The following DCAF8 variants were observed in gnomAD, a reference collection of about 807,000 sequenced individuals.
DCAF8 encodes DDB1 and CUL4 associated factor 8, also known as DDB1- and CUL4-associated factor 8.
In DCAF8, 20 loss-of-function variants were observed where a neutral mutation model predicts 68.0. That is an observed-to-expected ratio of 0.29 (90% confidence interval 0.21 to 0.43). The LOEUF (loss-of-function observed/expected upper bound fraction) is 0.43, where lower values mean the gene tolerates loss of function less well. Among genes scored for constraint, DCAF8 ranks in the 20% least tolerant of loss-of-function variants. DCAF8 has a pLI of 1.00. For synonymous variants in DCAF8, 230 were observed against 276.9 expected (o/e 0.83, Z 1.68); for missense variants, 460 against 771.0 (o/e 0.60, Z 4.78).
intron 2 of DCAF8, among the ~76,000 whole-genome samples, chr1:160,260,541 A>T (rs888254894): frequency 7.9e-5 from 12 of 152,132 alleles, no homozygotes; most frequent in African/African-American, 2.9e-4. Flanking sequence ...TTTCTGTCAC[A>T]TGCCATGAGC....
chr1:160,243,923 T>C (rs755593199), intron 3 of DCAF8, 37 bp downstream of exon 3: 34 of 1,606,868 alleles, frequency 2.1e-5, no homozygotes, highest in Middle Eastern at 3.3e-4. Flanking sequence ...CCTCAGTTGA[T>C]AGTAAAAATA....
In DCAF8 at chr1:160,234,960, T is replaced by C. The variant is rs372735246; in HGVS notation, c.959+2175A>G. ...ATCTTTTAAGCAGTTGTAGAAATTC[T>C]TCTACTATCCAAACAGCTTTTTCTG... On this transcript the variant is annotated intron_variant, in intron 6 of 13. Coordinates refer to ENST00000368074, the MANE Select transcript of DCAF8 (RefSeq NM_015726.4). Among the ~76,000 whole-genome samples the C allele has an allele frequency of 1.4e-3, 217 of 152,332 alleles. 2 individuals are homozygous for C. Among genetic ancestry groups the C allele is most frequent in the African/African-American group, 4.8e-3 (199 of 41,570 alleles).
At chr1:160,231,953 G>C (rs1324862955) in intron 6 of DCAF8, among the ~76,000 whole-genome samples, 2 of 152,100 alleles carry the variant, frequency 1.3e-5, no homozygotes, top group Non-Finnish European at 2.9e-5. Context: ...CACTTTGGGA[G>C]ACTGAGGCGG....
At chr1:160,235,010 T>C (rs1655821090) in intron 6 of DCAF8, among the ~76,000 whole-genome samples, 1 of 152,238 alleles carries the variant, frequency 6.6e-6, no homozygotes, top group Non-Finnish European at 1.5e-5. Context: ...AAAATAAGTC[T>C]AGTAATAATC....
Position 160,257,269 on chromosome 1 carries a change from T to TA in DCAF8, c.-27+4015dup, listed in dbSNP as rs71811331. Among the ~76,000 whole-genome samples the TA allele has an allele frequency of 4.2e-3, 599 of 143,250 alleles. 6 individuals are homozygous for TA. Among genetic ancestry groups the TA allele is most frequent in the East Asian group, 0.031 (154 of 4,982 alleles). 94.0% of individuals were successfully genotyped at this position (143,250 alleles called of 152,430 possible). On this transcript the variant is annotated intron_variant, in intron 2 of 13. Transcript: ENST00000368074. ...ATCTTAGCTCACTGATAATCTGCTT[T>TA]AAAAAAAAAAAAAGCTAATTCAATC...
At chr1:160,241,710 G>A (rs541080105) in intron 3 of DCAF8, among the ~76,000 whole-genome samples, 13 of 152,306 alleles carry the variant, frequency 8.5e-5, no homozygotes, top group Non-Finnish European at 1.3e-4. Context: ...AATTTTATCC[G>A]CCAGAAGTAA....
At chr1:160,241,384 G>A (rs1656110420) in intron 3 of DCAF8, among the ~76,000 whole-genome samples, 1 of 152,174 alleles carries the variant, frequency 6.6e-6, no homozygotes, top group African/African-American at 2.4e-5. Flanking sequence ...TATTGAGACA[G>A]TTTTATTAGG....
intron 2 of DCAF8, among the ~76,000 whole-genome samples, chr1:160,259,240 A>G (rs1656958391): frequency 6.6e-6 from 1 of 152,212 alleles, no homozygotes; most frequent in Non-Finnish European, 1.5e-5. Context: ...TGGAGCTGAA[A>G]AAAGAACTCT....
intron 3 of DCAF8, among the ~76,000 whole-genome samples, chr1:160,243,313 G>A (rs1203809943): frequency 6.6e-6 from 1 of 151,920 alleles, no homozygotes; most frequent in African/African-American, 2.4e-5. Flanking sequence ...GGAAATAAAT[G>A]GAAAGAAGGG....
At chr1:160,230,127 C>A (rs1451622450) in intron 7 of DCAF8, among the ~76,000 whole-genome samples, 2 of 152,014 alleles carry the variant, frequency 1.3e-5, no homozygotes, top group Non-Finnish European at 2.9e-5. Context: ...AAGGTTTTGT[C>A]CAGGATTCTT....
chr1:160,218,791 AG>A (rs1655205767), intron 12 of DCAF8, 57 bp downstream of exon 12: 1 of 1,603,720 alleles, frequency 6.2e-7, no homozygotes. Context: ...TATGACAATA[AG>A]AATCAACAGT....
intron 2 of DCAF8, among the ~76,000 whole-genome samples, chr1:160,253,647 C>CAAA (rs747211563): frequency 0.017 from 455 of 26,916 alleles, 81 homozygotes; most frequent in East Asian, 0.046. Context: ...GACTCCATCT[C>CAAA]AAAAAAAAAA....
intron 4 of DCAF8, chr1:160,239,405 G>A: frequency 7.1e-7 from 1 of 1,416,006 alleles, no homozygotes; most frequent in Non-Finnish European, 9.2e-7. Flanking sequence ...TTTGAACTCA[G>A]GCAGTTTGGT....
chr1:160,259,515 G>A (rs1656977628), intron 2 of DCAF8, among the ~76,000 whole-genome samples: 1 of 147,242 alleles, frequency 6.8e-6, no homozygotes, highest in South Asian at 2.2e-4. Flanking sequence ...CCTGGTGACA[G>A]AGCAAGACTC....
At chr1:160,262,136 T>G (rs1430639165) in intron 1 of DCAF8, 1 of 391,472 alleles carries the variant, frequency 2.6e-6, no homozygotes, top group Non-Finnish European at 4.5e-6. Flanking sequence ...GGGCAACCAG[T>G]ACTCCCAGCG....
chr1:160,253,287 G>A (rs1312006495), intron 2 of DCAF8, among the ~76,000 whole-genome samples: 2 of 152,078 alleles, frequency 1.3e-5, no homozygotes, highest in East Asian at 3.9e-4. Flanking sequence ...GATCGCTTGA[G>A]TCCAGGAATT....
intron 2 of DCAF8, among the ~76,000 whole-genome samples, chr1:160,250,787 A>G (rs1455892519): frequency 2.0e-5 from 3 of 152,206 alleles, no homozygotes; most frequent in Non-Finnish European, 4.4e-5. Flanking sequence ...AGAATAGCAG[A>G]AATTTAAGTA....
At chr1:160,249,794 G>A (rs771431810) in intron 2 of DCAF8, among the ~76,000 whole-genome samples, 1 of 152,194 alleles carries the variant, frequency 6.6e-6, no homozygotes, top group Non-Finnish European at 1.5e-5. Context: ...TCCACACAAT[G>A]GGATACTACT....
At chr1:160,241,714 G>T (rs534913800) in intron 3 of DCAF8, among the ~76,000 whole-genome samples, 1 of 152,304 alleles carries the variant, frequency 6.6e-6, no homozygotes, top group East Asian at 1.9e-4. Flanking sequence ...TTATCCGCCA[G>T]AAGTAAAAGC....
Sources: allele counts gnomAD v4.1 joint callset (sites outside exome capture counted in the v4.1 genomes callset), GRCh38; gene constraint gnomAD v4.1.1; transcripts MANE v1.5; gene names NCBI Gene and HGNC (gene_info 2026-07-23, HGNC 2026-07-21).